Variants in APOBEC3G observed in about 807,000 individuals in gnomAD.
APOBEC3G encodes apolipoprotein B mRNA editing enzyme catalytic subunit 3G.
In APOBEC3G, 44 loss-of-function variants were observed where a neutral mutation model predicts 50.0. The observed-to-expected ratio is 0.88, with a 90% CI of 0.69 to 1.13. The LOEUF (loss-of-function observed/expected upper bound fraction) is 1.13. Among genes scored for constraint, APOBEC3G ranks in the 50% most tolerant of loss-of-function variants. The pLI is 0.00. For synonymous variants in APOBEC3G, 156 were observed against 175.3 expected, an observed-to-expected ratio of 0.89 and a Z score of 0.87; for missense variants, 469 against 492.0, an observed-to-expected ratio of 0.95 and a Z score of 0.44.
At chr22:39,082,166 C>G (rs960530848) in intron 4 of APOBEC3G, 2 of 155,350 alleles carry the variant, frequency 1.3e-5, no homozygotes, top group Non-Finnish European at 2.9e-5. Flanking sequence ...CTCCTCCTGG[C>G]TGGCAGGGGG....
At position 39,083,842 on chromosome 22, in the gene APOBEC3G, C is replaced by G. The variant is rs1272175617; in HGVS notation, c.693C>G (p.Thr231=). 1 of 1,613,812 alleles carries G rather than the reference C, an allele frequency of 6.2e-7. No individual in the cohort carries two copies. Among genetic ancestry groups the G allele is most frequent in the Non-Finnish European group, 8.5e-7 (1 of 1,179,862 alleles). ...AGGTGGAGCGCATGCACAATGACACCTGGGTCCTGCTGAACCAGCGCAGGG... is the reference window on the plus strand; with the variant it reads ...AGGTGGAGCGCATGCACAATGACACGTGGGTCCTGCTGAACCAGCGCAGGG... ...CYEVERMHND[T]WVLLNQRRGF... The change falls in exon 5 of 8, where the codon ACC becomes ACG. Residue 231 remains threonine, a synonymous_variant. Coordinates refer to ENST00000407997, the MANE Select transcript of APOBEC3G (RefSeq NM_021822.4).
chr22:39,080,793 C>T (rs747337991), intron 2 of APOBEC3G, 140 bp from the exon 3 acceptor site: 3 of 784,582 alleles, frequency 3.8e-6, no homozygotes, highest in Non-Finnish European at 4.0e-6. Flanking sequence ...AACACTCAAA[C>T]CGAACAGGGG....
chr22:39,077,623 C>T (rs1928217856), intron 1 of APOBEC3G, among the ~76,000 whole-genome samples: 1 of 151,974 alleles, frequency 6.6e-6, no homozygotes, highest in African/African-American at 2.4e-5. Flanking sequence ...GAGACTCTCC[C>T]CTGAAAGTCA....
intron 2 of APOBEC3G, 93 bp from the exon 3 acceptor site, chr22:39,080,840 G>A: frequency 8.7e-7 from 1 of 1,152,138 alleles, no homozygotes; most frequent in Non-Finnish European, 1.2e-6. Context: ...AGATCTCCTG[G>A]ACTCCTGTCC....
chr22:39,086,982 T>C (rs772027464), intron 6 of APOBEC3G, 29 bp from the exon 7 acceptor site: 46 of 1,574,298 alleles, frequency 2.9e-5, no homozygotes, highest in Middle Eastern at 2.2e-4. Flanking sequence ...ACAGCGGGAG[T>C]GTGACTTATC....
intron 1 of APOBEC3G, 35 bp from the exon 2 acceptor site, chr22:39,078,897 C>G (rs999571024): frequency 1.9e-6 from 3 of 1,611,972 alleles, no homozygotes; most frequent in African/African-American, 1.3e-5. Context: ...CAGGAGTGCT[C>G]TCTACATTGG....
At chr22:39,084,188 C>T (rs1274304221) in intron 5 of APOBEC3G, among the ~76,000 whole-genome samples, 2 of 152,130 alleles carry the variant, frequency 1.3e-5, no homozygotes, top group Non-Finnish European at 2.9e-5. Flanking sequence ...CTGAGAGGGT[C>T]AGGGCAGAGG....
intron 4 of APOBEC3G, 54 bp downstream of exon 4, chr22:39,081,639 C>T (rs1928464819): frequency 7.1e-7 from 1 of 1,401,052 alleles, no homozygotes; most frequent in South Asian, 1.2e-5. Context: ...CCTGCTCATC[C>T]TCTTGAGGCC....
At chr22:39,081,883 T>A (rs1928479622) in intron 4 of APOBEC3G, 1 of 337,702 alleles carries the variant, frequency 3.0e-6, no homozygotes, top group African/African-American at 2.1e-5. Context: ...CCCTTCCATC[T>A]CCCTGGCATA....
intron 5 of APOBEC3G, among the ~76,000 whole-genome samples, chr22:39,085,980 C>T (rs1928672676): frequency 6.6e-6 from 1 of 152,056 alleles, no homozygotes; most frequent in Admixed American, 6.6e-5. Context: ...CCCGCACCCA[C>T]CCTGATCCAG....
Position 39,087,609 on chromosome 22 carries a change from AT to A in APOBEC3G, c.*191del. ...TAGAGTGCATTACTTTGAATCAAAA[AT>A]TTATTTATATTTCAAGAATAAAGTA... On this transcript the variant is annotated 3_prime_UTR_variant, in exon 8 of 8. Transcript: ENST00000407997. 1 of 1,134,488 alleles carries A rather than the reference AT, an allele frequency of 8.8e-7. No individual in the cohort carries two copies. Among genetic ancestry groups the A allele is most frequent in the South Asian group, 1.7e-5 (1 of 60,280 alleles). The allele number at this position is 1,134,488 out of a possible 1,614,324, so 70.3% of individuals were successfully genotyped here. A position where few individuals can be genotyped will look rare whatever the true frequency, so the allele number is the denominator to read the frequency against.
intron 4 of APOBEC3G, chr22:39,082,313 T>G (rs1433006779): frequency 6.6e-6 from 1 of 152,296 alleles, no homozygotes; most frequent in African/African-American, 2.4e-5. Flanking sequence ...TCATTTAAGT[T>G]AATCATCTGA....
chr22:39,087,304 C>T, intron 7 of APOBEC3G, 103 bp from the exon 8 acceptor site: 5 of 1,599,398 alleles, frequency 3.1e-6, no homozygotes, highest in Non-Finnish European at 4.3e-6. Context: ...CCTCCCACAT[C>T]CCTCCCTCCT....
intron 2 of APOBEC3G, 170 bp from the exon 3 acceptor site, chr22:39,080,763 C>T: frequency 3.1e-6 from 2 of 651,662 alleles, no homozygotes; most frequent in East Asian, 2.7e-5. Context: ...TAATACTGAA[C>T]ATGAGCTTTG....
At chr22:39,081,607 C>A (rs769825815) in intron 4 of APOBEC3G, 22 bp downstream of exon 4, 1 of 1,580,514 alleles carries the variant, frequency 6.3e-7, no homozygotes, top group Non-Finnish European at 8.7e-7. Flanking sequence ...CCTCCAGGCT[C>A]ATCGCCTCGC....
intron 1 of APOBEC3G, among the ~76,000 whole-genome samples, chr22:39,077,677 T>A (rs1048789984): frequency 2.2e-4 from 34 of 152,238 alleles, no homozygotes; most frequent in African/African-American, 7.7e-4. Context: ...GCTCCCTCTG[T>A]GTGCTTCCCG....
In APOBEC3G at chr22:39,087,325, T is replaced by C. The variant is rs1928740696; in HGVS notation, c.1141-82T>C. ...ACATCCCTCCCTCCTCTCCGATCAT[T>C]GTCACTGTCCCCAGGCCTCCACCAT... On this transcript the variant is annotated intron_variant, in intron 7 of 7. Transcript: ENST00000407997. The C allele has an allele frequency of 3.1e-6, 5 of 1,606,724 alleles. No individual in the cohort carries two copies. In the South Asian group the frequency reaches 5.5e-5, roughly 18 times the overall value.
At chr22:39,083,935 C>T in intron 5 of APOBEC3G, 51 bp downstream of exon 5, 1 of 1,587,504 alleles carries the variant, frequency 6.3e-7, no homozygotes. Context: ...AACCCAGGGA[C>T]ACCCATGGGC....
At chr22:39,081,436 C>T in intron 3 of APOBEC3G, 35 bp from the exon 4 acceptor site, 1 of 1,599,090 alleles carries the variant, frequency 6.3e-7, no homozygotes, top group Non-Finnish European at 8.6e-7. Flanking sequence ...GAGAGGCCAG[C>T]TGGGCTTGAC....
Sources: allele counts gnomAD v4.1 joint callset (sites outside exome capture counted in the v4.1 genomes callset), GRCh38; gene constraint gnomAD v4.1.1; transcripts MANE v1.5; gene names NCBI Gene and HGNC (gene_info 2026-07-23, HGNC 2026-07-21).